The following MTSS1 variants were observed in gnomAD, a reference collection of about 807,000 sequenced individuals.
MTSS1 encodes MTSS I-BAR domain containing 1.
In MTSS1, 18 loss-of-function variants were observed where a neutral mutation model predicts 79.0. The ratio of observed to expected loss-of-function variants is 0.23; its 90% confidence interval spans 0.16 to 0.34. The LOEUF (loss-of-function observed/expected upper bound fraction) is 0.34. MTSS1 is among the 10% of genes least tolerant of loss of function. MTSS1 has a pLI of 1.00. For synonymous variants in MTSS1, 341 were observed against 368.6 expected, an observed-to-expected ratio of 0.93 and a Z score of 0.86; for missense variants, 815 against 986.2, an observed-to-expected ratio of 0.83 and a Z score of 2.33.
intron 3 of MTSS1, among the ~76,000 whole-genome samples, chr8:124,596,205 C>T (rs1374620494): frequency 6.6e-6 from 1 of 152,164 alleles, no homozygotes; most frequent in Non-Finnish European, 1.5e-5. Flanking sequence ...TTTAGAGCCA[C>T]TTTGATTTGG....
rs1333450734 is a variant in MTSS1, at chr8:124,582,269, G to T, written c.460+2818C>A. Among the ~76,000 whole-genome samples, 2 of 152,178 alleles carry T rather than the reference G, an allele frequency of 1.3e-5. No homozygotes were observed. Among genetic ancestry groups the T allele is most frequent in the African/African-American group, 2.4e-5 (1 of 41,438 alleles). On this transcript the variant is annotated intron_variant, in intron 6 of 13. Coordinates refer to ENST00000518547, the MANE Select transcript of MTSS1 (RefSeq NM_014751.6). The surrounding 1 kb of genome is among the most constrained non-coding windows in gnomAD (Gnocchi z 4.8). ...TAAAACCTACCAAAGGCAAACCATT[G>T]AAAGTTTCTTGAAGGAAATATTTAA...
At position 124,565,721 on chromosome 8, in the gene MTSS1, C is replaced by G; in HGVS notation, c.765G>C (p.Ser255=). The G allele has an allele frequency of 6.2e-7, 1 of 1,613,984 alleles. No homozygotes were observed. Among genetic ancestry groups the G allele is most frequent in the Non-Finnish European group, 8.5e-7 (1 of 1,179,998 alleles). The change falls in exon 9 of 14, where the codon TCG becomes TCC. Residue 255 remains serine, a synonymous_variant. Coordinates refer to ENST00000518547, the MANE Select transcript of MTSS1 (RefSeq NM_014751.6). ...LDLKGSDYSW[S]YQTPPSSPST... ...TGGGGGAAGAGGGTGGCGTCTGATA[C>G]GACCAGCTGTAATCAGAACCTTTCA...
At chr8:124,570,802 C>T (rs1277503157) in intron 6 of MTSS1, among the ~76,000 whole-genome samples, 2 of 152,182 alleles carry the variant, frequency 1.3e-5, no homozygotes, top group Non-Finnish European at 2.9e-5. Flanking sequence ...TCTTAAGCAG[C>T]TGGGACTACC....
chr8:124,717,002 T>C (rs1476055544), intron 1 of MTSS1, among the ~76,000 whole-genome samples: 23 of 132,396 alleles, frequency 1.7e-4, no homozygotes, highest in Non-Finnish European at 2.7e-4. Flanking sequence ...TTATAATTAG[T>C]AAAAAAAAAA....
chr8:124,700,006 G>T (rs766106632), intron 2 of MTSS1, among the ~76,000 whole-genome samples: 2 of 152,084 alleles, frequency 1.3e-5, no homozygotes, highest in African/African-American at 2.4e-5. Flanking sequence ...AGGCGTGGTG[G>T]TATGCACCTA....
intron 3 of MTSS1, among the ~76,000 whole-genome samples, chr8:124,614,337 C>T (rs1423579811): frequency 1.3e-5 from 2 of 152,176 alleles, no homozygotes; most frequent in Non-Finnish European, 2.9e-5. Context: ...AAAACAATCA[C>T]ACATTAAATT....
At chr8:124,687,465 G>A (rs1052460087) in intron 3 of MTSS1, among the ~76,000 whole-genome samples, 3 of 152,166 alleles carry the variant, frequency 2.0e-5, no homozygotes, top group Non-Finnish European at 2.9e-5. Flanking sequence ...TGGCAATCAC[G>A]TGCTTAAGTG....
At chr8:124,595,942 C>T (rs1832681690) in intron 3 of MTSS1, among the ~76,000 whole-genome samples, 1 of 152,126 alleles carries the variant, frequency 6.6e-6, no homozygotes, top group Non-Finnish European at 1.5e-5. Flanking sequence ...CTGGGGAGGC[C>T]TCTGGGGAAT....
chr8:124,575,290 T>C (rs758079092), intron 6 of MTSS1, among the ~76,000 whole-genome samples: 2 of 152,198 alleles, frequency 1.3e-5, no homozygotes, highest in African/African-American at 2.4e-5. Flanking sequence ...CTGAAGGCTT[T>C]TAGCCTTAAA....
At chr8:124,703,592 A>G (rs1007576730) in intron 2 of MTSS1, among the ~76,000 whole-genome samples, 5 of 152,110 alleles carry the variant, frequency 3.3e-5, no homozygotes, top group Admixed American at 1.3e-4. Context: ...CACCCAGCCA[A>G]CAGGAGGTTT....
At chr8:124,610,576 G>A (rs11777796) in intron 3 of MTSS1, among the ~76,000 whole-genome samples, 7,955 of 152,174 alleles carry the variant, frequency 0.052, 340 homozygotes, top group African/African-American at 0.11. Context: ...AGACCTTAGG[G>A]GTAACCTAGT....
chr8:124,697,017 T>C (rs1828951132), intron 3 of MTSS1, among the ~76,000 whole-genome samples: 1 of 152,136 alleles, frequency 6.6e-6, no homozygotes, highest in Non-Finnish European at 1.5e-5. Flanking sequence ...TTTTCTTCCC[T>C]TCAAAGATGA....
At chr8:124,613,154 A>AACAGGAGTAT (rs1186732690) in intron 3 of MTSS1, among the ~76,000 whole-genome samples, 1 of 152,212 alleles carries the variant, frequency 6.6e-6, no homozygotes, top group East Asian at 1.9e-4. Context: ...CAACCCACCG[A>AACAGGAGTAT]ACAGGAGTAT....
chr8:124,697,727 T>C (rs1447133123), intron 3 of MTSS1, among the ~76,000 whole-genome samples: 1 of 152,230 alleles, frequency 6.6e-6, no homozygotes, highest in Non-Finnish European at 1.5e-5. Flanking sequence ...TAAGTTCTTC[T>C]CTACGGTTGT....
At chr8:124,613,542 C>T (rs1359487367) in intron 3 of MTSS1, among the ~76,000 whole-genome samples, 1 of 152,234 alleles carries the variant, frequency 6.6e-6, no homozygotes, top group Non-Finnish European at 1.5e-5. Context: ...CATGTATCAA[C>T]TCCTATGCAG....
At chr8:124,646,799 A>C (rs1276299058) in intron 3 of MTSS1, among the ~76,000 whole-genome samples, 1 of 152,134 alleles carries the variant, frequency 6.6e-6, no homozygotes, top group Non-Finnish European at 1.5e-5. Flanking sequence ...GGTTAAAAAA[A>C]AAAAATCTGC....
intron 3 of MTSS1, among the ~76,000 whole-genome samples, chr8:124,627,742 G>T (rs114182372): frequency 0.024 from 3,669 of 152,356 alleles, 68 homozygotes; most frequent in South Asian, 0.049. Flanking sequence ...AGGGTGAAAG[G>T]CCTTAAAGGT....
intron 3 of MTSS1, among the ~76,000 whole-genome samples, chr8:124,633,600 G>A (rs551879447): frequency 3.5e-4 from 53 of 152,088 alleles, no homozygotes; most frequent in African/African-American, 1.1e-3. Flanking sequence ...GTGAAACCCC[G>A]TCACTACTAA....
intron 1 of MTSS1, among the ~76,000 whole-genome samples, chr8:124,722,409 G>A (rs765519335): frequency 1.3e-4 from 20 of 152,286 alleles, no homozygotes; most frequent in Non-Finnish European, 5.9e-5. Context: ...GTGTTGAGAC[G>A]GGGACTGCTC....
Sources: gnomAD v4.1 joint callset for allele counts (sites outside exome capture counted in the v4.1 genomes callset) on GRCh38, gnomAD v4.1.1 for gene constraint, Gnocchi (gnomAD v3.1) non-coding constraint, MANE v1.5 for transcripts, NCBI Gene and HGNC (gene_info 2026-07-23, HGNC 2026-07-21) for gene names.